The following SMARCA4 variants were observed in gnomAD, a reference collection of about 807,000 sequenced individuals.
SMARCA4 encodes SWI/SNF-related matrix-associated actin-dependent regulator of chromatin subfamily A member 4.
In SMARCA4, 31 loss-of-function variants were observed where a neutral mutation model predicts 193.9. The observed-to-expected ratio is 0.16, with a 90% CI of 0.12 to 0.22. The LOEUF (loss-of-function observed/expected upper bound fraction) is 0.22. Among genes scored for constraint, SMARCA4 ranks in the 10% least tolerant of loss-of-function variants. The pLI is 1.00. For missense variants in SMARCA4, 1,148 were observed against 2,296.0 expected (o/e 0.50, Z 10.22); for synonymous variants, 942 against 933.1 (o/e 1.01, Z -0.17).
chr19:10,961,972 ATTT>A (rs1291248772), intron 1 of SMARCA4, among the ~76,000 whole-genome samples: 1 of 121,768 alleles, frequency 8.2e-6, no homozygotes, highest in Admixed American at 8.4e-5. Context: ...ACCAGTCTTG[ATTT>A]TTTTTTTTTT....
intron 19 of SMARCA4, among the ~76,000 whole-genome samples, chr19:11,023,276 G>T: frequency 6.6e-6 from 1 of 152,220 alleles, no homozygotes. Flanking sequence ...AGTGCTCTGG[G>T]TACTGCGGTT....
rs1600133534 is a variant in SMARCA4, at chr19:11,003,162, G to A, written c.1943+3G>A. The A allele has an allele frequency of 1.2e-6, 2 of 1,614,142 alleles. No individual in the cohort carries two copies. Among genetic ancestry groups the A allele is most frequent in the African/African-American group, 2.7e-5 (2 of 75,044 alleles). On this transcript the variant is annotated splice_donor_region_variant and intron_variant, in intron 12 of 34. Coordinates refer to ENST00000344626, the MANE Select transcript of SMARCA4 (RefSeq NM_003072.5). ...GCCTGGCTCGAGATGAACCCGGGGT[G>A]AGTTGGGCCTTGCATTCCAGATGCA...
Position 10,987,103 on chromosome 19 carries a change from G to A in SMARCA4, c.859+100G>A. 3.5e-6 allele frequency: 3 copies of A among 868,292 alleles called. No homozygotes were observed. The South Asian group carries it at 4.2e-5, about 12-fold the overall frequency. 53.8% of individuals were successfully genotyped at this position (868,292 alleles called of 1,614,324 possible). ...TTGTCAGGGAGAAAGGGCCGAGGGT[G>A]GTCAGGCTGAACTGCAGCCTGTACT... On this transcript the variant is annotated intron_variant, in intron 5 of 34. Transcript: ENST00000344626. The surrounding 1 kb of genome is among the most constrained non-coding windows in gnomAD (Gnocchi z 5.3).
intron 7 of SMARCA4, among the ~76,000 whole-genome samples, chr19:10,990,209 A>G (rs1253791443): frequency 6.6e-6 from 1 of 152,044 alleles, no homozygotes; most frequent in Non-Finnish European, 1.5e-5. Flanking sequence ...GCTGGAGTGC[A>G]GTGGTGCCAT....
intron 1 of SMARCA4, among the ~76,000 whole-genome samples, chr19:10,962,260 G>A (rs2083869582): frequency 6.6e-6 from 1 of 152,152 alleles, no homozygotes; most frequent in Non-Finnish European, 1.5e-5. Context: ...CCTCGCAAGC[G>A]GGAAGCACTA....
intron 30 of SMARCA4, among the ~76,000 whole-genome samples, chr19:11,052,372 A>C (rs1299316933): frequency 6.6e-6 from 1 of 152,066 alleles, no homozygotes; most frequent in Non-Finnish European, 1.5e-5. Context: ...GCACCGCTGC[A>C]CTCAAGCCTG....
intron 1 of SMARCA4, among the ~76,000 whole-genome samples, chr19:10,981,191 C>T (rs968748409): frequency 6.6e-6 from 1 of 152,162 alleles, no homozygotes; most frequent in Non-Finnish European, 1.5e-5. Flanking sequence ...CTCTGTGGAC[C>T]TGAGAAGACT....
At chr19:11,052,342 C>T (rs2076307682) in intron 30 of SMARCA4, among the ~76,000 whole-genome samples, 1 of 152,284 alleles carries the variant, frequency 6.6e-6, no homozygotes, top group East Asian at 1.9e-4. Context: ...GGGAAAATCA[C>T]GTGAGCCCAG....
At chr19:10,983,174 CA>C (rs1156783971) in intron 1 of SMARCA4, among the ~76,000 whole-genome samples, 1 of 152,098 alleles carries the variant, frequency 6.6e-6, no homozygotes, top group Non-Finnish European at 1.5e-5. Flanking sequence ...TTTACAGACA[CA>C]AGTATCTTTC....
At chr19:11,037,781 G>T (rs912846551) in intron 29 of SMARCA4, among the ~76,000 whole-genome samples, 1 of 152,132 alleles carries the variant, frequency 6.6e-6, no homozygotes, top group African/African-American at 2.4e-5. Context: ...ATCCATGTAA[G>T]ATCCATTTTG....
Position 11,034,349 on chromosome 19 carries a change from C to A in SMARCA4, c.3951+149C>A. 1 of 719,828 alleles carries A rather than the reference C, an allele frequency of 1.4e-6. No individual in the cohort carries two copies. Among genetic ancestry groups the A allele is most frequent in the South Asian group, 1.5e-5 (1 of 67,576 alleles). The allele number at this position is 719,828 out of a possible 1,614,324, so 44.6% of individuals were successfully genotyped here. A position where few individuals can be genotyped will look rare whatever the true frequency, so the allele number is the denominator to read the frequency against. ...AGTGCAGCCCACTCCCACCTCCAGA[C>A]TGACCCGTCTTCCACCCCCAGTCTC... On this transcript the variant is annotated intron_variant, in intron 28 of 34. Coordinates refer to ENST00000344626, the MANE Select transcript of SMARCA4 (RefSeq NM_003072.5). This position sits in a 1 kb window ranked among gnomAD's most constrained non-coding sequence, Gnocchi z 7.0.
rs2074850851 is a variant in SMARCA4, at chr19:11,030,517, T to G, written c.3383-213T>G. Among the ~76,000 whole-genome samples, 1 of 152,250 alleles carries G rather than the reference T, an allele frequency of 6.6e-6. No homozygotes were observed. The highest frequency in any genetic ancestry group is 1.5e-5 in the Non-Finnish European group (1 of 68,048). The stretch of plus-strand genomic sequence containing the variant: ...TCCCAGCGGGGCCTGTTTTCATTTC[T>G]GGGATGTGTGGAGAGACGTTTTGTG... On this transcript the variant is annotated intron_variant, in intron 24 of 34. Transcript: ENST00000344626. This position sits in a 1 kb window ranked among gnomAD's most constrained non-coding sequence, Gnocchi z 5.5.
intron 34 of SMARCA4, among the ~76,000 whole-genome samples, chr19:11,061,200 AAAAAATATATATAT>A (rs1450787098): frequency 2.8e-5 from 2 of 70,568 alleles, no homozygotes; most frequent in Non-Finnish European, 5.2e-5. Context: ...AAAAAAAAAA[AAAAAATATATATAT>A]ATATATATAT....
At chr19:11,021,607 C>A in intron 18 of SMARCA4, 118 bp from the exon 19 acceptor site, 1 of 1,313,678 alleles carries the variant, frequency 7.6e-7, no homozygotes, top group Non-Finnish European at 1.1e-6. Context: ...TGCTCTCCAC[C>A]CAGCTGCGCT....
chr19:10,977,211 T>C (rs1022648962), intron 1 of SMARCA4, among the ~76,000 whole-genome samples: 2 of 152,214 alleles, frequency 1.3e-5, no homozygotes, highest in Non-Finnish European at 2.9e-5. Flanking sequence ...TTCTACCTGA[T>C]GCGCGCCCAA....
At position 11,003,042 on chromosome 19, in the gene SMARCA4, C is replaced by G. The variant is rs781285718; in HGVS notation, c.1826C>G (p.Thr609Ser). 1.2e-6 allele frequency: 2 copies of G among 1,614,090 alleles called. No homozygotes were observed. Among genetic ancestry groups the G allele is most frequent in the South Asian group, 1.1e-5 (1 of 91,074 alleles). ...ACTCTTTTTCAGCCTCTGGACGAGA[C>G]CAGCCAGATGAGCGACCTCCCGGTG... is the stretch of plus-strand genomic sequence containing the variant. ...IGPDGEPLDE[T>S]SQMSDLPVKV... Residue 609 changes from threonine (T) to serine (S), a missense_variant, in exon 12 of 35, where the codon ACC becomes AGC. Coordinates refer to ENST00000344626, the MANE Select transcript of SMARCA4 (RefSeq NM_003072.5).
At chr19:11,003,710 C>CT (rs1568456775) in intron 13 of SMARCA4, among the ~76,000 whole-genome samples, 6 of 150,114 alleles carry the variant, frequency 4.0e-5, no homozygotes, top group Admixed American at 2.7e-4. Context: ...CTCATTTGCC[C>CT]ATTTTTTTTT....
At chr19:11,008,314 A>G (rs1600170516) in intron 14 of SMARCA4, 3 of 382,442 alleles carry the variant, frequency 7.8e-6, no homozygotes, top group South Asian at 2.1e-5. Context: ...CCTTTCCACT[A>G]CCCTCCCTGG....
At chr19:10,992,553 T>C (rs1278044238) in intron 8 of SMARCA4, among the ~76,000 whole-genome samples, 2 of 151,224 alleles carry the variant, frequency 1.3e-5, no homozygotes, top group Non-Finnish European at 2.9e-5. Flanking sequence ...GCCTCCCAAG[T>C]AGTTGGGATT....
Sources: allele counts gnomAD v4.1 joint callset (sites outside exome capture counted in the v4.1 genomes callset), GRCh38; gene constraint gnomAD v4.1.1; non-coding constraint Gnocchi (gnomAD v3.1); transcripts MANE v1.5; gene names NCBI Gene and HGNC (gene_info 2026-07-23, HGNC 2026-07-21).